The following GOLGA4 variants were observed in gnomAD, a reference collection of about 807,000 sequenced individuals.
GOLGA4 encodes golgin subfamily A member 4.
Under a neutral mutation model 265.9 loss-of-function variants are expected in GOLGA4, and 169 were observed. The observed-to-expected ratio is 0.64, with a 90% CI of 0.56 to 0.72. The LOEUF is 0.72. Among genes scored for constraint, GOLGA4 ranks in the 30% least tolerant of loss-of-function variants. The pLI is 0.00. For missense variants in GOLGA4, 2,482 were observed against 2,483.4 expected (o/e 1.00, Z 0.01); for synonymous variants, 923 against 855.8 (o/e 1.08, Z -1.37).
chr3:37,286,336 G>C (rs1364039207), intron 4 of GOLGA4, among the ~76,000 whole-genome samples: 1 of 150,178 alleles, frequency 6.7e-6, no homozygotes, highest in Non-Finnish European at 1.5e-5. Context: ...TGTATTTTTA[G>C]TAGAGACGGG....
intron 2 of GOLGA4, among the ~76,000 whole-genome samples, chr3:37,263,962 G>A (rs1578401195): frequency 6.6e-6 from 1 of 152,046 alleles, no homozygotes; most frequent in African/African-American, 2.4e-5. Flanking sequence ...TGTTGCTTGC[G>A]AGACTTTCTC....
intron 21 of GOLGA4, among the ~76,000 whole-genome samples, chr3:37,348,467 A>C (rs533144427): frequency 7.2e-5 from 11 of 152,142 alleles, no homozygotes; most frequent in African/African-American, 2.4e-4. Flanking sequence ...TTTTCTCCTT[A>C]TCTTTTAAAA....
At chr3:37,338,341 T>C (rs1251582885) in intron 19 of GOLGA4, among the ~76,000 whole-genome samples, 1 of 152,232 alleles carries the variant, frequency 6.6e-6, no homozygotes, top group Non-Finnish European at 1.5e-5. Context: ...TTGTTAGAAC[T>C]GAGTGATGGA....
chr3:37,324,130 G>A lies in GOLGA4; in HGVS notation c.2244G>A (p.Gln748=), dbSNP rs925226921. Residue 748 remains glutamine, a synonymous_variant, in exon 14 of 24, where the codon CAG becomes CAA. Transcript: ENST00000361924. ...SIIKEHEVSI[Q]RTEKALKDQI... ...TTAAAGAACACGAGGTATCTATCCAGAGGACTGAGAAGGCATTAAAAGATC... is the reference window on the plus strand; with the variant it reads ...TTAAAGAACACGAGGTATCTATCCAAAGGACTGAGAAGGCATTAAAAGATC... 6.2e-7 allele frequency: 1 copy of A among 1,614,082 alleles called. No homozygotes were observed. The highest frequency in any genetic ancestry group is 1.1e-5 in the South Asian group (1 of 91,070).
rs182148628 is a variant in GOLGA4 at position 37,258,029 on chromosome 3, A to G, written c.162+6545A>G. Among the ~76,000 whole-genome samples the G allele has an allele frequency of 8.4e-4, 64 of 76,330 alleles. 4 individuals carry two copies. The highest frequency in any genetic ancestry group is 1.5e-3 in the Non-Finnish European group (59 of 38,614). The allele number at this position is 76,330 out of a possible 152,430, so 50.1% of individuals were successfully genotyped here. ...TACATACATATATATATGTATGTATATATGTATATATACATACATATATAT... is the reference window on the plus strand; with the variant it reads ...TACATACATATATATATGTATGTATGTATGTATATATACATACATATATAT... On this transcript the variant is annotated intron_variant, in intron 2 of 23. Coordinates refer to ENST00000361924, the MANE Select transcript of GOLGA4 (RefSeq NM_002078.5).
intron 5 of GOLGA4, among the ~76,000 whole-genome samples, chr3:37,291,047 T>A (rs1041956980): frequency 3.3e-5 from 5 of 152,172 alleles, no homozygotes; most frequent in Non-Finnish European, 7.3e-5. Flanking sequence ...TGGTGAGAAA[T>A]TAAATGCCCA....
intron 17 of GOLGA4, among the ~76,000 whole-genome samples, chr3:37,335,732 G>A (rs192254705): frequency 1.4e-4 from 22 of 151,728 alleles, no homozygotes; most frequent in African/African-American, 4.8e-4. Flanking sequence ...AAAGAGAACT[G>A]GCCTGAAGAT....
At chr3:37,279,984 A>G (rs985337467) in intron 2 of GOLGA4, among the ~76,000 whole-genome samples, 6 of 152,112 alleles carry the variant, frequency 3.9e-5, no homozygotes, top group Admixed American at 2.6e-4. Flanking sequence ...TGGTCCCTCA[A>G]TTGCTTCCGG....
chr3:37,301,838 G>T (rs1187328885), intron 9 of GOLGA4, among the ~76,000 whole-genome samples: 3 of 152,066 alleles, frequency 2.0e-5, no homozygotes, highest in Middle Eastern at 3.4e-3. Flanking sequence ...ACCCAGGCTG[G>T]AGTGCAATGG....
intron 2 of GOLGA4, among the ~76,000 whole-genome samples, chr3:37,259,285 A>G (rs1290537899): frequency 6.6e-6 from 1 of 152,190 alleles, no homozygotes; most frequent in African/African-American, 2.4e-5. Context: ...GCCTACCTGT[A>G]TATCTTGAGT....
rs572377739 is a variant in GOLGA4 at position 37,326,072 on chromosome 3, A to G, written c.4186A>G (p.Ile1396Val). The G allele has an allele frequency of 1.2e-6, 2 of 1,613,290 alleles. No homozygotes were observed. Among genetic ancestry groups the G allele is most frequent in the South Asian group, 2.2e-5 (2 of 91,056 alleles). ...CAGCCTATCCGAAAAAGAAGCAGCCATTTCATCACTAAGAAAGCAGTATGA... is the reference window on the plus strand; with the variant it reads ...CAGCCTATCCGAAAAAGAAGCAGCCGTTTCATCACTAAGAAAGCAGTATGA... ...SISLSEKEAA[I>V]SSLRKQYDEE... Residue 1396 changes from isoleucine (I) to valine (V), a missense_variant, in exon 14 of 24, where the codon ATT becomes GTT. Transcript: ENST00000361924.
At chr3:37,257,440 C>T (rs937034703) in intron 2 of GOLGA4, among the ~76,000 whole-genome samples, 5 of 152,034 alleles carry the variant, frequency 3.3e-5, no homozygotes, top group Non-Finnish European at 7.4e-5. Flanking sequence ...GTTAACTTTT[C>T]AGTCTCAGGT....
intron 5 of GOLGA4, among the ~76,000 whole-genome samples, chr3:37,294,462 G>GC (rs2096873030): frequency 6.8e-6 from 1 of 148,058 alleles, no homozygotes; most frequent in African/African-American, 2.5e-5. Flanking sequence ...TCAACTCACT[G>GC]CAACCTCTTC....
intron 10 of GOLGA4, chr3:37,313,301 C>T (rs1176668771): frequency 6.6e-6 from 1 of 152,230 alleles, no homozygotes; most frequent in Non-Finnish European, 1.5e-5. Flanking sequence ...ATTCACCCTT[C>T]TCTTGGCAAT....
intron 4 of GOLGA4, among the ~76,000 whole-genome samples, chr3:37,288,258 T>A (rs2096855246): frequency 6.9e-6 from 1 of 144,368 alleles, no homozygotes; most frequent in African/African-American, 2.6e-5. Flanking sequence ...CGCATCACCA[T>A]GCCCGGCTAA....
intron 13 of GOLGA4, 147 bp downstream of exon 13, chr3:37,322,033 A>C: frequency 7.6e-6 from 5 of 654,766 alleles, no homozygotes; most frequent in Non-Finnish European, 1.3e-5. Context: ...TGAGCTATGC[A>C]TGGGAGTGGA....
Position 37,281,985 on chromosome 3 carries a change from A to C in GOLGA4, c.190A>C (p.Lys64Gln). ...ESGDTQSFAQ[K>Q]LQLRVPSVES... Reference sequence around the variant, plus strand: ...AGGTGACACACAGTCTTTTGCACAGAAGCTCCAGCTCCGGGTGCCCTCCGT... The same window carrying C: ...AGGTGACACACAGTCTTTTGCACAGCAGCTCCAGCTCCGGGTGCCCTCCGT... Residue 64 changes from lysine to glutamine, a missense_variant, in exon 3 of 24, where the codon AAG (lysine) becomes CAG (glutamine). By Grantham distance (53) the Lys-to-Gln change is moderately conservative. Transcript: ENST00000361924. 6.2e-7 allele frequency: 1 copy of C among 1,613,814 alleles called. No homozygotes were observed. The highest frequency in any genetic ancestry group is 8.5e-7 in the Non-Finnish European group (1 of 1,179,810).
chr3:37,274,137 G>C (rs1480500721), intron 2 of GOLGA4, among the ~76,000 whole-genome samples: 1 of 150,926 alleles, frequency 6.6e-6, no homozygotes, highest in Non-Finnish European at 1.5e-5. Flanking sequence ...ATAATTATGA[G>C]AAAGTGAAAA....
chr3:37,351,643 G>A (rs1168338488), intron 21 of GOLGA4, among the ~76,000 whole-genome samples: 1 of 152,118 alleles, frequency 6.6e-6, no homozygotes, highest in Non-Finnish European at 1.5e-5. Flanking sequence ...GTTGTGTTAG[G>A]CATAAAACAA....
Sources: gnomAD v4.1 joint callset for allele counts (sites outside exome capture counted in the v4.1 genomes callset) on GRCh38, gnomAD v4.1.1 for gene constraint, MANE v1.5 for transcripts, NCBI Gene and HGNC (gene_info 2026-07-23, HGNC 2026-07-21) for gene names.